Variants in CCDC7 observed in about 807,000 individuals in gnomAD.
The protein encoded by CCDC7 is coiled-coil domain-containing protein 7.
A neutral mutation model predicts 196.9 loss-of-function variants in CCDC7; 183 were observed. The ratio of observed to expected loss-of-function variants is 0.93; its 90% CI spans 0.82 to 1.05. The LOEUF is 1.05. Ranked by LOEUF, CCDC7 falls within the 50% of genes least tolerant of loss-of-function variation. The pLI is 0.00. For synonymous variants in CCDC7, 525 were observed against 484.6 expected (o/e 1.08, Z -1.10); for missense variants, 1,540 against 1,482.2 (o/e 1.04, Z -0.64).
intron 29 of CCDC7, among the ~76,000 whole-genome samples, chr10:32,780,506 G>A (rs1269503763): frequency 6.6e-6 from 1 of 152,150 alleles, no homozygotes; most frequent in Non-Finnish European, 1.5e-5. Flanking sequence ...AAGTTAGAGG[G>A]TGCTGCATAA....
intron 11 of CCDC7, 78 bp from the exon 13 acceptor site, chr10:32,543,222 A>G (rs1399115317): frequency 1.1e-5 from 13 of 1,190,428 alleles, no homozygotes; most frequent in East Asian, 9.4e-5. Flanking sequence ...ATGTACATTA[A>G]TAATGTATAT....
chr10:32,636,665 T>C (rs1418763969), intron 20 of CCDC7, among the ~76,000 whole-genome samples: 1 of 152,224 alleles, frequency 6.6e-6, no homozygotes, highest in Non-Finnish European at 1.5e-5. Flanking sequence ...TCTTTGCTAT[T>C]GTGAATAGTG....
At chr10:32,711,575 A>T (rs766127318) in intron 24 of CCDC7, 45 bp from the exon 26 acceptor site, 1 of 1,146,542 alleles carries the variant, frequency 8.7e-7, no homozygotes, top group South Asian at 1.4e-5. Context: ...ATTTCATAGT[A>T]GATTTGTTTT....
At chr10:32,673,748 A>C (rs1183197824) in intron 21 of CCDC7, among the ~76,000 whole-genome samples, 2 of 151,652 alleles carry the variant, frequency 1.3e-5, no homozygotes, top group South Asian at 4.2e-4. Flanking sequence ...ACCAGTAACC[A>C]GAATCTCTGA....
At chr10:32,707,990 C>T (rs569498312) in intron 24 of CCDC7, among the ~76,000 whole-genome samples, 1 of 152,136 alleles carries the variant, frequency 6.6e-6, no homozygotes, top group South Asian at 2.1e-4. Context: ...TCATATGAAA[C>T]CAAAAAAGAG....
At chr10:32,762,968 G>A (rs558209634) in intron 28 of CCDC7, among the ~76,000 whole-genome samples, 23 of 151,846 alleles carry the variant, frequency 1.5e-4, no homozygotes, top group African/African-American at 5.5e-4. Context: ...TTTTTAGATA[G>A]CTCACCAAGA....
intron 28 of CCDC7, among the ~76,000 whole-genome samples, chr10:32,772,635 G>A (rs1347806999): frequency 1.3e-5 from 2 of 152,344 alleles, no homozygotes; most frequent in Non-Finnish European, 2.9e-5. Flanking sequence ...ACTGTCGTCT[G>A]CAGGGTCCCC....
intron 41 of CCDC7, among the ~76,000 whole-genome samples, chr10:32,875,702 A>G (rs575127191): frequency 6.6e-6 from 1 of 152,108 alleles, no homozygotes; most frequent in African/African-American, 2.4e-5. Context: ...TGCAACAAAG[A>G]TTATTGAAAT....
intron 18 of CCDC7, among the ~76,000 whole-genome samples, chr10:32,609,360 G>C (rs1252006217): frequency 1.3e-5 from 2 of 151,984 alleles, no homozygotes; most frequent in African/African-American, 2.4e-5. Flanking sequence ...ATTATGTAAT[G>C]ATCTTCTTTG....
At chr10:32,709,606 T>A (rs1398583512) in intron 24 of CCDC7, among the ~76,000 whole-genome samples, 4 of 152,148 alleles carry the variant, frequency 2.6e-5, no homozygotes, top group Non-Finnish European at 5.9e-5. Context: ...GCTCAGGCAG[T>A]AATGTGAATG....
chr10:32,723,754 G>A (rs1484496653), intron 25 of CCDC7, among the ~76,000 whole-genome samples: 1 of 152,022 alleles, frequency 6.6e-6, no homozygotes, highest in African/African-American at 2.4e-5. Context: ...TCGTGGAGGT[G>A]AAAAACCCAA....
intron 3 of CCDC7, among the ~76,000 whole-genome samples, chr10:32,460,892 G>A (rs767517534): frequency 1.3e-5 from 2 of 152,134 alleles, no homozygotes; most frequent in Non-Finnish European, 2.9e-5. Context: ...ATGCTTGTAG[G>A]TGGTGCTGAT....
At chr10:32,525,451 T>G (rs1564548582) in intron 11 of CCDC7, among the ~76,000 whole-genome samples, 3 of 152,236 alleles carry the variant, frequency 2.0e-5, no homozygotes, top group Non-Finnish European at 4.4e-5. Context: ...TCTGAATTCC[T>G]TCTCTGTATT....
At chr10:32,850,439 C>G (rs1233031681) in intron 39 of CCDC7, among the ~76,000 whole-genome samples, 1 of 152,184 alleles carries the variant, frequency 6.6e-6, no homozygotes, top group East Asian at 1.9e-4. Flanking sequence ...GTTTTGAAGT[C>G]TCTGCTCACA....
At chr10:32,738,473 C>CTTTTTTTTT (rs33944221) in intron 28 of CCDC7, among the ~76,000 whole-genome samples, 17 of 109,668 alleles carry the variant, frequency 1.6e-4, no homozygotes, top group Admixed American at 2.3e-4. Context: ...GTTTCTTTCA[C>CTTTTTTTTT]TTTTTTTTTT....
intron 11 of CCDC7, among the ~76,000 whole-genome samples, chr10:32,521,220 T>C (rs2047830770): frequency 6.6e-6 from 1 of 152,160 alleles, no homozygotes. Flanking sequence ...CGATTTCATA[T>C]AAATGTTAGG....
At chr10:32,876,446 G>C, downstream of CCDC7, 1 of 1,526,362 alleles carries the variant, frequency 6.6e-7, no homozygotes, top group Non-Finnish European at 9.0e-7. Flanking sequence ...CAGAAATGCA[G>C]GAAAGGAAAT....
At chr10:32,810,603 G>C (rs925507020) in intron 30 of CCDC7, among the ~76,000 whole-genome samples, 2 of 152,068 alleles carry the variant, frequency 1.3e-5, no homozygotes, top group Admixed American at 1.3e-4. Flanking sequence ...GCATTAGACA[G>C]ATTGTCTAGA....
At chr10:32,824,658 T>A in intron 32 of CCDC7, 54 bp downstream of exon 33, 1 of 1,214,338 alleles carries the variant, frequency 8.2e-7, no homozygotes, top group Non-Finnish European at 1.2e-6. Flanking sequence ...TCTCTGGAGT[T>A]TAAGTATGTA....
Sources: gnomAD v4.1 joint callset for allele counts (sites outside exome capture counted in the v4.1 genomes callset) on GRCh38, gnomAD v4.1.1 for gene constraint, MANE v1.5 for transcripts, NCBI Gene and HGNC (gene_info 2026-07-23, HGNC 2026-07-21) for gene names.